SLC38A12: variants seen among roughly 807,000 people sequenced by gnomAD.
The protein encoded by SLC38A12 is putative sodium-coupled neutral amino acid transporter 12.
the SLC38A12 span, among the ~76,000 whole-genome samples, chr17:74,805,487 C>T: frequency 1.3e-5 from 2 of 152,214 alleles, no homozygotes; most frequent in South Asian, 2.1e-4. This position sits in a 1 kb window ranked among gnomAD's most constrained non-coding sequence, Gnocchi z 5.0. Context: ...GCCAGCTCCC[C>T]GGAGAGGGCA....
the SLC38A12 span, among the ~76,000 whole-genome samples, chr17:74,834,318 G>A: frequency 6.6e-6 from 1 of 152,150 alleles, no homozygotes; most frequent in East Asian, 1.9e-4. Flanking sequence ...GGGAGGAGGA[G>A]TCCCCAGGCC....
At chr17:74,836,814 C>T in the SLC38A12 span, 1 of 1,433,484 alleles carries the variant, frequency 7.0e-7, no homozygotes, top group Non-Finnish European at 9.1e-7. The surrounding 1 kb of genome is among the most constrained non-coding windows in gnomAD (Gnocchi z 4.2). Context: ...CTAGGGGAAA[C>T]CCCCTGTCCA....
the SLC38A12 span, chr17:74,795,383 T>C: frequency 1.4e-6 from 1 of 728,136 alleles, no homozygotes; most frequent in South Asian, 1.8e-5. Context: ...GGGTGCATCC[T>C]CAGAGATGCA....
the SLC38A12 span, among the ~76,000 whole-genome samples, chr17:74,834,038 C>T: frequency 1.6e-4 from 25 of 152,274 alleles, no homozygotes; most frequent in African/African-American, 6.0e-4. Flanking sequence ...GCTCTCTCCC[C>T]GGTACCCCTC....
the SLC38A12 span, among the ~76,000 whole-genome samples, chr17:74,808,268 G>A: frequency 1.3e-5 from 2 of 152,262 alleles, no homozygotes; most frequent in African/African-American, 4.8e-5. Context: ...CCATCAGGAT[G>A]TAAGCAAAGG....
chr17:74,835,871 C>T, the SLC38A12 span: 1 of 1,529,690 alleles, frequency 6.5e-7, no homozygotes, highest in Non-Finnish European at 8.8e-7. Context: ...AGACCAGAAA[C>T]TCAAGGTAGG....
At chr17:74,812,739 A>G in the SLC38A12 span, among the ~76,000 whole-genome samples, 1 of 152,098 alleles carries the variant, frequency 6.6e-6, no homozygotes, top group Non-Finnish European at 1.5e-5. Flanking sequence ...CTGTGCGTTT[A>G]AGGTAGCCCT....
chr17:74,788,419 T>TTGTGAACCAGCCTCCCCTCAC, the SLC38A12 span, among the ~76,000 whole-genome samples: 1 of 152,116 alleles, frequency 6.6e-6, no homozygotes, highest in Non-Finnish European at 1.5e-5. Flanking sequence ...GGGGGGCCCT[T>TTGTGAACCAGCCTCCCCTCAC]TGTGAACCAG....
At chr17:74,837,854 C>T in the SLC38A12 span, 3 of 985,886 alleles carry the variant, frequency 3.0e-6, no homozygotes, top group African/African-American at 5.2e-5. Flanking sequence ...TGGGGGTCCC[C>T]CTGACCCTCA....
chr17:74,826,182 C>T, the SLC38A12 span, among the ~76,000 whole-genome samples: 3 of 152,198 alleles, frequency 2.0e-5, no homozygotes, highest in Admixed American at 6.5e-5. Flanking sequence ...CCCTCCCAGG[C>T]GCCACCTGCC....
chr17:74,798,933 C>T, the SLC38A12 span, among the ~76,000 whole-genome samples: 5 of 152,186 alleles, frequency 3.3e-5, no homozygotes, highest in African/African-American at 1.2e-4. Context: ...CATGAAGGAG[C>T]CAGGGACCCC....
the SLC38A12 span, among the ~76,000 whole-genome samples, chr17:74,835,351 T>C: frequency 6.6e-6 from 1 of 152,290 alleles, no homozygotes; most frequent in East Asian, 1.9e-4. Flanking sequence ...CTCACCTGTC[T>C]GCCCAGGGCT....
the SLC38A12 span, among the ~76,000 whole-genome samples, chr17:74,832,675 C>T: frequency 6.6e-6 from 1 of 152,266 alleles, no homozygotes; most frequent in Non-Finnish European, 1.5e-5. Flanking sequence ...AGCTGCCACA[C>T]AGCTGGGTGA....
chr17:74,818,471 A>G, the SLC38A12 span, among the ~76,000 whole-genome samples: 3 of 149,286 alleles, frequency 2.0e-5, no homozygotes, highest in African/African-American at 7.3e-5. Context: ...GGACTTGGAT[A>G]AGAGGTCACA....
chr17:74,789,177 C>T, the SLC38A12 span, among the ~76,000 whole-genome samples: 3 of 152,182 alleles, frequency 2.0e-5, no homozygotes, highest in African/African-American at 7.2e-5. Context: ...TCTGCCACCT[C>T]TAATGGGGCA....
chr17:74,811,912 G>A, the SLC38A12 span, among the ~76,000 whole-genome samples: 2 of 151,978 alleles, frequency 1.3e-5, no homozygotes, highest in Non-Finnish European at 2.9e-5. Flanking sequence ...AGAATGTGGT[G>A]GCATGCATTT....
At chr17:74,839,200 T>A in the SLC38A12 span, 53 of 1,477,248 alleles carry the variant, frequency 3.6e-5, no homozygotes, top group Middle Eastern at 2.4e-4. Context: ...GGTGATAGAC[T>A]GGGAAGCACT....
At chr17:74,805,658 G>A in the SLC38A12 span, among the ~76,000 whole-genome samples, 2 of 152,304 alleles carry the variant, frequency 1.3e-5, no homozygotes, top group African/African-American at 4.8e-5. This position sits in a 1 kb window ranked among gnomAD's most constrained non-coding sequence, Gnocchi z 5.0. Flanking sequence ...AAGGCCAGAC[G>A]TCAGCAGAAA....
chr17:74,790,319 G>A, the SLC38A12 span: 4 of 1,604,358 alleles, frequency 2.5e-6, no homozygotes, highest in Admixed American at 1.7e-5. Context: ...GTTCTCGCGG[G>A]CCCGCACTTC....
Sources: gnomAD v4.1 joint callset for allele counts (sites outside exome capture counted in the v4.1 genomes callset) on GRCh38, gnomAD v4.1.1 for gene constraint, Gnocchi (gnomAD v3.1) non-coding constraint, MANE v1.5 for transcripts, NCBI Gene and HGNC (gene_info 2026-07-23, HGNC 2026-07-21) for gene names.